Variants in ADCY8 observed in about 807,000 individuals in gnomAD.
ADCY8 encodes adenylate cyclase 8.
ADCY8 carries 51 observed loss-of-function variants against 119.7 expected under a neutral mutation model. The ratio of observed to expected loss-of-function variants is 0.43; its 90% CI spans 0.34 to 0.54. The LOEUF (loss-of-function observed/expected upper bound fraction) is 0.54, where lower values mean the gene tolerates loss of function less well. ADCY8 is among the 20% of genes least tolerant of loss of function. ADCY8 has a pLI of 0.03. For missense variants in ADCY8, 1,383 were observed against 1,598.8 expected, an observed-to-expected ratio of 0.87 and a Z score of 2.30; for synonymous variants, 665 against 651.0, an observed-to-expected ratio of 1.02 and a Z score of -0.33.
At chr8:131,037,297 A>T (rs1440891266) in intron 1 of ADCY8, among the ~76,000 whole-genome samples, 1 of 152,182 alleles carries the variant, frequency 6.6e-6, no homozygotes, top group East Asian at 1.9e-4. Flanking sequence ...TTATGATGAG[A>T]TGAGGGTGGG....
At chr8:130,955,524 A>C (rs1438390946) in intron 2 of ADCY8, among the ~76,000 whole-genome samples, 1 of 152,228 alleles carries the variant, frequency 6.6e-6, no homozygotes, top group East Asian at 1.9e-4. Flanking sequence ...ACAGTTAAAC[A>C]AAACATACAC....
intron 7 of ADCY8, among the ~76,000 whole-genome samples, chr8:130,893,953 A>G (rs1237027860): frequency 1.3e-5 from 2 of 152,078 alleles, no homozygotes; most frequent in East Asian, 3.9e-4. Context: ...TTGAAATAGA[A>G]TTATTTAAAT....
intron 5 of ADCY8, among the ~76,000 whole-genome samples, chr8:130,917,588 C>A (rs1392510827): frequency 2.6e-5 from 4 of 152,160 alleles, no homozygotes; most frequent in Admixed American, 6.5e-5. Context: ...TGCCCTGGTG[C>A]CCCGGAATCT....
rs554994778 is a variant in ADCY8 at position 131,039,775 on chromosome 8, C to A, written c.559G>T (p.Val187Leu). The A allele has an allele frequency of 6.2e-7, 1 of 1,614,218 alleles. No individual in the cohort carries two copies. The highest frequency in any genetic ancestry group is 1.1e-5 in the South Asian group (1 of 91,086). The stretch of plus-strand genomic sequence containing the variant: ...GTGAGTTTGGTCAGCACGTCCAGCA[C>A]GTTCATCACCACTTCCGATTTGCGC... ...QRRKSEVVMN[V>L]LDVLTKLTLL... The change falls in exon 1 of 18, where the codon GTG (valine) becomes TTG (leucine). Residue 187 changes from valine (V) to leucine (L), a missense_variant. Val to Leu is a conservative substitution (Grantham distance 32). Around this residue, in one of 2 missense-constraint regions of ADCY8, gnomAD observed 455 missense variants for 435.3 expected, o/e 1.05. Transcript: ENST00000286355.
chr8:130,882,991 G>A (rs911245820), intron 8 of ADCY8, among the ~76,000 whole-genome samples: 1 of 152,096 alleles, frequency 6.6e-6, no homozygotes, highest in African/African-American at 2.4e-5. Flanking sequence ...GACTGTCAAT[G>A]GGCAAGTCCC....
At chr8:130,820,338 C>T (rs893213075) in intron 13 of ADCY8, among the ~76,000 whole-genome samples, 2 of 152,122 alleles carry the variant, frequency 1.3e-5, no homozygotes, top group African/African-American at 4.8e-5. Context: ...GCTTCTATTT[C>T]TGGTCTGGCT....
chr8:131,013,535 T>C (rs1173592109), intron 1 of ADCY8, among the ~76,000 whole-genome samples: 1 of 152,134 alleles, frequency 6.6e-6, no homozygotes, highest in Non-Finnish European at 1.5e-5. Flanking sequence ...CCCCCAGTGA[T>C]TTGCAAAACA....
intron 12 of ADCY8, among the ~76,000 whole-genome samples, chr8:130,832,093 A>C (rs1162020972): frequency 6.6e-6 from 1 of 152,170 alleles, no homozygotes; most frequent in Non-Finnish European, 1.5e-5. Flanking sequence ...CTGGGATTTC[A>C]ATTCAGTTGG....
At chr8:130,825,104 G>A (rs545940263) in intron 12 of ADCY8, among the ~76,000 whole-genome samples, 3 of 152,248 alleles carry the variant, frequency 2.0e-5, no homozygotes, top group Non-Finnish European at 2.9e-5. Flanking sequence ...GGCACAGAGC[G>A]ATGTTTCAAT....
At chr8:130,906,884 G>A (rs1819803075) in intron 6 of ADCY8, among the ~76,000 whole-genome samples, 1 of 151,392 alleles carries the variant, frequency 6.6e-6, no homozygotes, top group Non-Finnish European at 1.5e-5. Context: ...ACAACCTTAG[G>A]TATTAGACAT....
chr8:130,873,868 T>TA (rs1409305761), intron 8 of ADCY8, among the ~76,000 whole-genome samples: 1 of 152,074 alleles, frequency 6.6e-6, no homozygotes, highest in Non-Finnish European at 1.5e-5. Flanking sequence ...CATCTTTTAT[T>TA]AGTATATATT....
intron 1 of ADCY8, among the ~76,000 whole-genome samples, chr8:130,994,816 T>C (rs1230605186): frequency 6.6e-6 from 1 of 152,202 alleles, no homozygotes; most frequent in Non-Finnish European, 1.5e-5. Context: ...CCACAAAATA[T>C]TTATCTGTTC....
At chr8:130,988,993 A>G (rs1822490602) in intron 2 of ADCY8, among the ~76,000 whole-genome samples, 1 of 152,236 alleles carries the variant, frequency 6.6e-6, no homozygotes, top group African/African-American at 2.4e-5. Context: ...GATCCCATGG[A>G]AAGAGTGACA....
chr8:130,932,004 T>A (rs1018566369), intron 5 of ADCY8, among the ~76,000 whole-genome samples: 2 of 152,198 alleles, frequency 1.3e-5, no homozygotes, highest in African/African-American at 4.8e-5. Flanking sequence ...CCCTGATGAT[T>A]TTTGACCTTC....
chr8:131,039,538 G>A lies in ADCY8; in HGVS notation c.796C>T (p.Leu266Phe), dbSNP rs7815654. Residue 266 changes from leucine (L) to phenylalanine (F), a missense_variant, in exon 1 of 18, where the codon CTC becomes TTC. Physicochemically the swap from Leu to Phe is conservative, Grantham distance 22. Transcript: ENST00000286355. ...QILAAGLGYG[L>F]LGDGIGYVLF... is the part of the protein sequence containing the mutation. Reference sequence around the variant, plus strand: ...ACGTAGCCTATGCCGTCGCCCAGGAGCCCGTAGCCGAGGCCTGCTGCCAGG... The same window carrying A: ...ACGTAGCCTATGCCGTCGCCCAGGAACCCGTAGCCGAGGCCTGCTGCCAGG... The A allele has an allele frequency of 1.9e-6, 3 of 1,613,822 alleles. No homozygotes were observed. The highest frequency in any genetic ancestry group is 2.5e-6 in the Non-Finnish European group (3 of 1,180,032).
At chr8:130,807,983 C>CAAAAAAAAAAAAAAAAAAAAAAAAAAAAA (rs752321769) in intron 14 of ADCY8, among the ~76,000 whole-genome samples, 1 of 47,224 alleles carries the variant, frequency 2.1e-5, no homozygotes, top group Non-Finnish European at 4.0e-5. Flanking sequence ...GACTCCGTCT[C>CAAAAAAAAAAAAAAAAAAAAAAAAAAAAA]AAAAAAAAAA....
At chr8:131,008,351 C>T (rs1298591008) in intron 1 of ADCY8, among the ~76,000 whole-genome samples, 1 of 152,124 alleles carries the variant, frequency 6.6e-6, no homozygotes, top group East Asian at 1.9e-4. Flanking sequence ...GTAATTGAAA[C>T]AATGGGGCAG....
At chr8:130,976,990 G>A (rs954574940) in intron 2 of ADCY8, among the ~76,000 whole-genome samples, 4 of 152,144 alleles carry the variant, frequency 2.6e-5, no homozygotes, top group Admixed American at 6.5e-5. Flanking sequence ...GTCCCATCGC[G>A]CAGGACATCA....
chr8:130,896,728 C>T (rs1356567859), intron 7 of ADCY8, among the ~76,000 whole-genome samples: 3 of 151,752 alleles, frequency 2.0e-5, no homozygotes, highest in African/African-American at 4.8e-5. Flanking sequence ...TTCTTTAACT[C>T]CTGTTGCTGA....
Sources: allele counts gnomAD v4.1 joint callset (sites outside exome capture counted in the v4.1 genomes callset), GRCh38; gene constraint gnomAD v4.1.1; regional missense constraint gnomAD v4.1.1; transcripts MANE v1.5; gene names NCBI Gene and HGNC (gene_info 2026-07-23, HGNC 2026-07-21).